NDST4: variants seen among roughly 807,000 people sequenced by gnomAD.
NDST4 encodes N-heparan sulfate sulfotransferase 4.
Under a neutral mutation model 100.8 loss-of-function variants are expected in NDST4, and 63 were observed. The observed-to-expected ratio is 0.62, with a 90% confidence interval of 0.51 to 0.77. The LOEUF (loss-of-function observed/expected upper bound fraction) is 0.77, where lower values mean the gene tolerates loss of function less well. NDST4 is among the 30% of genes least tolerant of loss of function. The probability of loss-of-function intolerance (pLI) is 0.00; values close to 1 mark genes in which losing one functional copy is unlikely to be tolerated. For synonymous variants in NDST4, 377 were observed against 361.8 expected (o/e 1.04, Z -0.48); for missense variants, 943 against 1,018.4 (o/e 0.93, Z 1.01).
chr4:115,026,534 G>T (rs1294170776), intron 2 of NDST4, among the ~76,000 whole-genome samples: 2 of 151,772 alleles, frequency 1.3e-5, no homozygotes, highest in Non-Finnish European at 2.9e-5. Context: ...AATTTTCAAA[G>T]AAATCACAGT....
intron 1 of NDST4, among the ~76,000 whole-genome samples, chr4:115,106,321 A>G (rs569906016): frequency 6.6e-6 from 1 of 152,210 alleles, no homozygotes; most frequent in Non-Finnish European, 1.5e-5. Flanking sequence ...TTAGCATTGT[A>G]TTAGTGTCAT....
chr4:114,940,028 A>G (rs1725715052), intron 4 of NDST4, among the ~76,000 whole-genome samples: 1 of 152,250 alleles, frequency 6.6e-6, no homozygotes, highest in South Asian at 2.1e-4. Flanking sequence ...ACCAAGCATC[A>G]TATTTCCAGA....
At position 115,003,924 on chromosome 4, in the gene NDST4, C is replaced by T. The variant is rs191540261; in HGVS notation, c.979-26650G>A. Among the ~76,000 whole-genome samples the T allele has an allele frequency of 2.0e-3, 306 of 151,838 alleles. 2 individuals carry two copies. Among genetic ancestry groups the T allele is most frequent in the Non-Finnish European group, 3.4e-3 (230 of 67,920 alleles). On this transcript the variant is annotated intron_variant, in intron 2 of 13. Transcript: ENST00000264363. ...ATTTTAAAATAAAGAAAATGAGGTGCGCAGTGTTTAAATAGATGTTTCCCC... is the reference window on the plus strand; with the variant it reads ...ATTTTAAAATAAAGAAAATGAGGTGTGCAGTGTTTAAATAGATGTTTCCCC...
At chr4:115,024,706 T>G (rs1727942734) in intron 2 of NDST4, among the ~76,000 whole-genome samples, 1 of 152,100 alleles carries the variant, frequency 6.6e-6, no homozygotes, top group Admixed American at 6.6e-5. Context: ...ATTAAGACCT[T>G]TGGGGCTATT....
chr4:114,892,728 C>CT (rs142864767), intron 6 of NDST4, among the ~76,000 whole-genome samples: 3,247 of 145,520 alleles, frequency 0.022, 80 homozygotes, highest in African/African-American at 0.063. Context: ...TCCTAATTTT[C>CT]TTTTTTTTTT....
intron 1 of NDST4, among the ~76,000 whole-genome samples, chr4:115,110,078 T>C (rs1729913923): frequency 6.6e-6 from 1 of 151,924 alleles, no homozygotes; most frequent in Non-Finnish European, 1.5e-5. Context: ...ATATTATTTC[T>C]GAAAGAAATT....
At chr4:114,929,042 G>GTCCA (rs1725444507) in intron 6 of NDST4, among the ~76,000 whole-genome samples, 1 of 75,184 alleles carries the variant, frequency 1.3e-5, no homozygotes, top group East Asian at 2.9e-4. Context: ...CTGTCTGTCT[G>GTCCA]TCCGTCCGTC....
intron 5 of NDST4, among the ~76,000 whole-genome samples, chr4:114,935,881 A>G (rs1281009498): frequency 6.6e-6 from 1 of 152,110 alleles, no homozygotes; most frequent in Admixed American, 6.5e-5. Context: ...TTCTTTTGTA[A>G]GTCTGAATGT....
intron 2 of NDST4, among the ~76,000 whole-genome samples, chr4:115,032,876 T>C (rs2126270473): frequency 6.6e-6 from 1 of 152,062 alleles, no homozygotes; most frequent in African/African-American, 2.4e-5. Context: ...GTTCACCAAC[T>C]TTCATAACTT....
chr4:115,101,309 G>A (rs895287517), intron 1 of NDST4, among the ~76,000 whole-genome samples: 2 of 151,994 alleles, frequency 1.3e-5, no homozygotes, highest in South Asian at 4.1e-4. Context: ...TATCATTTTT[G>A]AAAAGTCTGT....
chr4:114,952,218 T>C (rs766194220), intron 4 of NDST4, among the ~76,000 whole-genome samples: 4 of 152,168 alleles, frequency 2.6e-5, no homozygotes, highest in Non-Finnish European at 5.9e-5. Context: ...GATAGATTAA[T>C]ATTAATGAAT....
chr4:115,112,501 A>G (rs778023159), intron 1 of NDST4, among the ~76,000 whole-genome samples: 1 of 151,978 alleles, frequency 6.6e-6, no homozygotes, highest in Non-Finnish European at 1.5e-5. Flanking sequence ...TGAAAGAGAC[A>G]TGATAAAACA....
intron 2 of NDST4, among the ~76,000 whole-genome samples, chr4:114,990,608 G>T (rs186226229): frequency 1.3e-5 from 2 of 151,950 alleles, no homozygotes; most frequent in African/African-American, 2.4e-5. Flanking sequence ...CTAGAATTAC[G>T]TTTAGAAATT....
At chr4:115,086,622 C>T (rs1010986420) in intron 1 of NDST4, among the ~76,000 whole-genome samples, 5 of 152,032 alleles carry the variant, frequency 3.3e-5, no homozygotes, top group African/African-American at 9.7e-5. Context: ...CTATCAGCTA[C>T]ATTCATACTT....
At chr4:115,012,102 A>G (rs1382958744) in intron 2 of NDST4, among the ~76,000 whole-genome samples, 2 of 151,934 alleles carry the variant, frequency 1.3e-5, no homozygotes, top group Non-Finnish European at 2.9e-5. Context: ...ACTTCACAAA[A>G]GAAAATAAAA....
At chr4:114,875,171 C>G (rs2126198561) in intron 6 of NDST4, among the ~76,000 whole-genome samples, 1 of 152,314 alleles carries the variant, frequency 6.6e-6, no homozygotes, top group Non-Finnish European at 1.5e-5. Context: ...GCACCAAGGT[C>G]TGGGTGCCAC....
chr4:114,856,535 A>C (rs868567266), intron 7 of NDST4, among the ~76,000 whole-genome samples: 4 of 152,330 alleles, frequency 2.6e-5, no homozygotes, highest in Admixed American at 6.5e-5. Context: ...ATTTTGCCAA[A>C]TATAGGTGCT....
At chr4:114,838,830 CA>C (rs57686472) in intron 11 of NDST4, among the ~76,000 whole-genome samples, 41,994 of 147,328 alleles carry the variant, frequency 0.29, 8,137 homozygotes, top group African/African-American at 0.56. Context: ...AAGATCAATA[CA>C]AAAAAAAATA....
rs114424184 is a variant in NDST4 at position 115,095,795 on chromosome 4, A to G, written c.-247+17649T>C. On this transcript the variant is annotated intron_variant, in intron 1 of 13. Transcript: ENST00000264363. ...TCTTAAATGTTTCTTCTTTCTCCCT[A>G]CTATTGTTAACAGGCCCCATAGTCA... Among the ~76,000 whole-genome samples, 1,505 of 152,116 alleles carry G rather than the reference A, an allele frequency of 9.9e-3. 25 individuals carry two copies. The highest frequency in any genetic ancestry group is 0.035 in the African/African-American group (1,434 of 41,508).
Sources: gnomAD v4.1 joint callset for allele counts (sites outside exome capture counted in the v4.1 genomes callset) on GRCh38, gnomAD v4.1.1 for gene constraint, MANE v1.5 for transcripts, NCBI Gene and HGNC (gene_info 2026-07-23, HGNC 2026-07-21) for gene names.